SLC67A2: variants seen among roughly 807,000 people sequenced by gnomAD.
SLC67A2 encodes solute carrier family 67 member A2.
At chr2:102,728,756 G>A in the SLC67A2 span, among the ~76,000 whole-genome samples, 12 of 152,040 alleles carry the variant, frequency 7.9e-5, no homozygotes, top group Non-Finnish European at 2.9e-5. Context: ...CCATGACCTC[G>A]GACATATGAG....
the SLC67A2 span, among the ~76,000 whole-genome samples, chr2:102,722,094 C>G: frequency 1.2e-3 from 189 of 152,286 alleles, no homozygotes; most frequent in African/African-American, 4.4e-3. Context: ...TTTGGGGGAA[C>G]AAAGAGAACG....
At chr2:102,733,126 C>G in the SLC67A2 span, among the ~76,000 whole-genome samples, 3 of 152,204 alleles carry the variant, frequency 2.0e-5, no homozygotes, top group African/African-American at 4.8e-5. Flanking sequence ...CATGTCTTCT[C>G]CCTTCTTCAG....
At chr2:102,728,148 G>T in the SLC67A2 span, among the ~76,000 whole-genome samples, 1 of 152,236 alleles carries the variant, frequency 6.6e-6, no homozygotes, top group East Asian at 1.9e-4. Flanking sequence ...AAAAGTCACT[G>T]CCTTAAAAGA....
At chr2:102,719,229 G>A in the SLC67A2 span, 30 of 1,598,492 alleles carry the variant, frequency 1.9e-5, no homozygotes, top group East Asian at 4.5e-5. Flanking sequence ...GCATGAGACC[G>A]GTTAAAGCAT....
At chr2:102,736,834 C>T in the SLC67A2 span, 1 of 1,584,846 alleles carries the variant, frequency 6.3e-7, no homozygotes, top group East Asian at 2.3e-5. Context: ...GGGGGTCGGA[C>T]GCAGCAGCAG....
the SLC67A2 span, chr2:102,726,868 A>G: frequency 6.2e-7 from 1 of 1,611,732 alleles, no homozygotes; most frequent in Non-Finnish European, 8.5e-7. Flanking sequence ...AGCCAGGACA[A>G]ACAGAAACAC....
chr2:102,736,585 C>G, the SLC67A2 span: 1 of 1,613,152 alleles, frequency 6.2e-7, no homozygotes, highest in Non-Finnish European at 8.5e-7. Context: ...CCAAGAACCG[C>G]CTGGGTCCCC....
chr2:102,722,957 CA>C, the SLC67A2 span, among the ~76,000 whole-genome samples: 1 of 151,302 alleles, frequency 6.6e-6, no homozygotes, highest in African/African-American at 2.4e-5. Context: ...GCAAAAAAAA[CA>C]AAAACAAAAA....
chr2:102,725,823 G>A, the SLC67A2 span, among the ~76,000 whole-genome samples: 1 of 152,154 alleles, frequency 6.6e-6, no homozygotes, highest in Non-Finnish European at 1.5e-5. Flanking sequence ...GTTAAAATGA[G>A]TTATCTGATG....
chr2:102,716,412 C>T, the SLC67A2 span: 1 of 152,148 alleles, frequency 6.6e-6, no homozygotes, highest in South Asian at 2.1e-4. Flanking sequence ...TGAGTCTAAT[C>T]TCCATGAGAT....
the SLC67A2 span, among the ~76,000 whole-genome samples, chr2:102,715,417 A>G: frequency 2.0e-5 from 3 of 152,120 alleles, no homozygotes; most frequent in Non-Finnish European, 4.4e-5. Context: ...CAGTGATTCC[A>G]GCTCCTTCTG....
the SLC67A2 span, chr2:102,736,522 G>A: frequency 3.8e-6 from 6 of 1,593,924 alleles, no homozygotes; most frequent in Admixed American, 1.7e-5. Flanking sequence ...AGGTAGTGAG[G>A]CACTCACCAG....
the SLC67A2 span, among the ~76,000 whole-genome samples, chr2:102,726,680 A>C: frequency 2.6e-5 from 4 of 152,188 alleles, no homozygotes; most frequent in Admixed American, 6.5e-5. Flanking sequence ...ACATTTGGGA[A>C]GCCTCAGAGA....
At chr2:102,724,627 C>G in the SLC67A2 span, among the ~76,000 whole-genome samples, 1 of 152,202 alleles carries the variant, frequency 6.6e-6, no homozygotes, top group Non-Finnish European at 1.5e-5. Flanking sequence ...TTCTGGTAAC[C>G]AGCGGCCCAC....
At chr2:102,736,489 A>T in the SLC67A2 span, 1 of 1,514,274 alleles carries the variant, frequency 6.6e-7, no homozygotes, top group South Asian at 1.3e-5. Flanking sequence ...GAAGTGGGTG[A>T]TAGGGCAAGA....
the SLC67A2 span, chr2:102,719,343 T>C: frequency 1.2e-6 from 1 of 865,232 alleles, no homozygotes; most frequent in Non-Finnish European, 1.8e-6. Context: ...TCTGTATTTT[T>C]GTATCTAGTC....
chr2:102,722,432 T>C, the SLC67A2 span, among the ~76,000 whole-genome samples: 75 of 152,252 alleles, frequency 4.9e-4, 7 homozygotes. Context: ...ATTACCATGA[T>C]AGAAACAACT....
At chr2:102,736,615 A>C in the SLC67A2 span, 1 of 1,613,682 alleles carries the variant, frequency 6.2e-7, no homozygotes, top group South Asian at 1.1e-5. Flanking sequence ...CACAGTCAGC[A>C]CTTGCTCCCA....
chr2:102,732,919 T>G, the SLC67A2 span, among the ~76,000 whole-genome samples: 1 of 152,306 alleles, frequency 6.6e-6, no homozygotes, highest in Admixed American at 6.5e-5. Context: ...GAATGGGCTT[T>G]GGGGTCAGGC....
Sources: gnomAD v4.1 joint callset for allele counts (sites outside exome capture counted in the v4.1 genomes callset) on GRCh38, gnomAD v4.1.1 for gene constraint, MANE v1.5 for transcripts, NCBI Gene and HGNC (gene_info 2026-07-23, HGNC 2026-07-21) for gene names.